UBR2: variants seen among roughly 807,000 people sequenced by gnomAD.
UBR2 encodes ubiquitin protein ligase E3 component n-recognin 2.
Under a neutral mutation model 247.9 loss-of-function variants are expected in UBR2, and 92 were observed. The observed-to-expected ratio is 0.37, with a 90% confidence interval of 0.31 to 0.44. UBR2 has a LOEUF of 0.44. Among genes scored for constraint, UBR2 ranks in the 20% least tolerant of loss-of-function variants. The probability of loss-of-function intolerance (pLI) is 1.00; values close to 1 mark genes in which losing one functional copy is unlikely to be tolerated. For missense variants in UBR2, 1,613 were observed against 2,112.6 expected, an observed-to-expected ratio of 0.76 and a Z score of 4.64; for synonymous variants, 672 against 693.5, an observed-to-expected ratio of 0.97 and a Z score of 0.49.
chr6:42,691,203 G>T lies in UBR2; in HGVS notation c.*30G>T, dbSNP rs530815159. The T allele has an allele frequency of 1.2e-4, 186 of 1,605,638 alleles. 1 individual carries two copies. In the South Asian group the frequency reaches 1.9e-3, roughly 17 times the overall value. On this transcript the variant is annotated 3_prime_UTR_variant, in exon 47 of 47. Transcript: ENST00000372901. The stretch of plus-strand genomic sequence containing the variant: ...TGCACCACCAAAAAACACAAACTTG[G>T]ATTTTTTTAACCCAGTTGGCTTTTT...
At chr6:42,579,149 GGCATAAACATTT>G (rs1220118779) in intron 2 of UBR2, among the ~76,000 whole-genome samples, 2 of 152,158 alleles carry the variant, frequency 1.3e-5, no homozygotes, top group East Asian at 3.8e-4. Flanking sequence ...GTACAAGCAT[GGCATAAACATTT>G]GCTCAGCTTC....
chr6:42,588,071 C>T (rs181133423), intron 2 of UBR2, among the ~76,000 whole-genome samples: 16 of 152,292 alleles, frequency 1.1e-4, no homozygotes, highest in African/African-American at 3.6e-4. Context: ...AGGCTAAGAG[C>T]TCAGTTTCAC....
chr6:42,632,980 T>G, intron 13 of UBR2, 76 bp downstream of exon 13: 1 of 1,021,196 alleles, frequency 9.8e-7, no homozygotes, highest in Non-Finnish European at 1.3e-6. Flanking sequence ...TTTTTTAATT[T>G]TTCTTTTTCT....
rs1217674904 is a variant in UBR2 at position 42,650,397 on chromosome 6, A to C, written c.2565+11A>C. ...GCAGAACAGTCCAAGGTAATTGGGA[A>C]AATTAAAAATGTAGCAGGGAAGGAT... On this transcript the variant is annotated intron_variant, in intron 23 of 46. Coordinates refer to ENST00000372901, the MANE Select transcript of UBR2 (RefSeq NM_001363705.2). 60 of 1,599,290 alleles carry C rather than the reference A, an allele frequency of 3.8e-5. No homozygotes were observed. Among genetic ancestry groups the C allele is most frequent in the Non-Finnish European group, 5.1e-5 (60 of 1,169,274 alleles).
Position 42,673,911 on chromosome 6 carries a change from ATGT to A in UBR2, c.4183+28_4183+30del, listed in dbSNP as rs754575487. The A allele has an allele frequency of 7.6e-6, 12 of 1,574,320 alleles. 1 individual carries two copies. The highest frequency in any genetic ancestry group is 7.1e-5 in the Admixed American group (4 of 56,394). On this transcript the variant is annotated intron_variant, in intron 37 of 46. Coordinates refer to ENST00000372901, the MANE Select transcript of UBR2 (RefSeq NM_001363705.2). ...ATGTGAGTATTAATACATTTATAAC[ATGT>A]TGTAATTTTTCATCCTCTGAAATTT...
At chr6:42,678,783 T>A in intron 41 of UBR2, 114 bp downstream of exon 41, 1 of 1,141,786 alleles carries the variant, frequency 8.8e-7, no homozygotes, top group Non-Finnish European at 1.2e-6. Context: ...AATAGCTTAT[T>A]GACTATGGTG....
chr6:42,594,247 A>G lies in UBR2; in HGVS notation c.474A>G (p.Lys158=), dbSNP rs749181891. 1.2e-6 allele frequency: 2 copies of G among 1,613,480 alleles called. No individual in the cohort carries two copies. The highest frequency in any genetic ancestry group is 1.3e-5 in the African/African-American group (1 of 75,028). ...ACTGTGGTGATACTGAAGCCTGGAA[A>G]GAGGGTCCTTACTGTCAAAAACATG... ...FCDCGDTEAW[K]EGPYCQKHEL... is the part of the protein sequence containing the mutation. Residue 158 remains lysine (K), a synonymous_variant, in exon 4 of 47, where the codon AAA becomes AAG. Coordinates refer to ENST00000372901, the MANE Select transcript of UBR2 (RefSeq NM_001363705.2).
At chr6:42,647,399 G>A (rs1462107592) in intron 21 of UBR2, among the ~76,000 whole-genome samples, 8 of 130,578 alleles carry the variant, frequency 6.1e-5, no homozygotes, top group Admixed American at 5.4e-4. Flanking sequence ...GGCCAACACA[G>A]TTAAACCCCA....
At chr6:42,585,933 A>G (rs1792227373) in intron 2 of UBR2, among the ~76,000 whole-genome samples, 1 of 152,014 alleles carries the variant, frequency 6.6e-6, no homozygotes, top group Admixed American at 6.6e-5. Context: ...TTATGGTCTT[A>G]TATTTTTTGA....
chr6:42,575,100 T>C lies in UBR2; in HGVS notation c.338+1107T>C, dbSNP rs747403424. On this transcript the variant is annotated intron_variant, in intron 2 of 46. Transcript: ENST00000372901. ...AATATGTTACATATACTGAGCTAAA[T>C]TTTCTTTTCTGTATTTAACCATAGC... Among the ~76,000 whole-genome samples, 41 of 152,208 alleles carry C rather than the reference T, an allele frequency of 2.7e-4. 1 individual carries two copies. The highest frequency in any genetic ancestry group is 1.4e-3 in the Admixed American group (22 of 15,288).
chr6:42,656,714 C>T (rs930471783), intron 26 of UBR2, among the ~76,000 whole-genome samples: 3 of 152,164 alleles, frequency 2.0e-5, no homozygotes, highest in Non-Finnish European at 4.4e-5. Context: ...GCTGCTAGAT[C>T]TCTAGTTTTC....
chr6:42,655,390 A>G (rs554256460), intron 25 of UBR2, among the ~76,000 whole-genome samples: 24 of 151,826 alleles, frequency 1.6e-4, no homozygotes, highest in Admixed American at 1.5e-3. Flanking sequence ...AGGCAGGAGA[A>G]TCACTTGAAC....
intron 4 of UBR2, among the ~76,000 whole-genome samples, chr6:42,597,745 C>T (rs924458742): frequency 8.6e-5 from 13 of 151,650 alleles, no homozygotes; most frequent in Non-Finnish European, 1.6e-4. Context: ...GGAGAAACCC[C>T]GTCTCTACTA....
chr6:42,659,942 A>T lies in UBR2; in HGVS notation c.3442+87A>T. 7.7e-7 allele frequency: 1 copy of T among 1,303,416 alleles called. No individual in the cohort carries two copies. The highest frequency in any genetic ancestry group is 1.5e-5 in the African/African-American group (1 of 67,874). The allele number at this position is 1,303,416 out of a possible 1,614,324, so 80.7% of individuals were successfully genotyped here. On this transcript the variant is annotated intron_variant, in intron 30 of 46. Coordinates refer to ENST00000372901, the MANE Select transcript of UBR2 (RefSeq NM_001363705.2). The surrounding 1 kb of genome is among the most constrained non-coding windows in gnomAD (Gnocchi z 4.3). ...TGATACGTTGAGATTTTTTAAACCT[A>T]AAAATAACTCCATGGACTTGGATGG...
intron 11 of UBR2, among the ~76,000 whole-genome samples, chr6:42,632,102 GCACA>G (rs1313632279): frequency 4.4e-5 from 6 of 137,420 alleles, no homozygotes; most frequent in South Asian, 4.7e-4. Flanking sequence ...GTACACACAT[GCACA>G]CACACACAAA....
At chr6:42,608,261 G>A (rs758302440) in intron 7 of UBR2, among the ~76,000 whole-genome samples, 3 of 152,134 alleles carry the variant, frequency 2.0e-5, no homozygotes, top group Non-Finnish European at 4.4e-5. Context: ...CCCACCAGCA[G>A]TATATAAGAG....
intron 1 of UBR2, among the ~76,000 whole-genome samples, chr6:42,572,496 G>A (rs946931868): frequency 1.5e-4 from 22 of 144,722 alleles, no homozygotes; most frequent in Middle Eastern, 3.7e-3. Flanking sequence ...ACTGGAATTA[G>A]GTAGTAATCC....
chr6:42,678,297 C>G (rs938818204), intron 40 of UBR2, among the ~76,000 whole-genome samples: 2 of 152,260 alleles, frequency 1.3e-5, no homozygotes, highest in African/African-American at 4.8e-5. Context: ...GATTGTGCCA[C>G]TGCACTCCAG....
chr6:42,689,520 G>A lies in UBR2; in HGVS notation c.5025-49G>A. Reference sequence around the variant, plus strand: ...ATTCTATTTGGAACTGAATACAAATGTTGGTTACTAATGTGTAAATGTGTA... The same window carrying A: ...ATTCTATTTGGAACTGAATACAAATATTGGTTACTAATGTGTAAATGTGTA... On this transcript the variant is annotated intron_variant, in intron 45 of 46. Transcript: ENST00000372901. This position sits in a 1 kb window ranked among gnomAD's most constrained non-coding sequence, Gnocchi z 4.0. 6.6e-7 allele frequency: 1 copy of A among 1,512,332 alleles called. No homozygotes were observed. The highest frequency in any genetic ancestry group is 1.4e-5 in the African/African-American group (1 of 72,886). The allele number at this position is 1,512,332 out of a possible 1,614,324, so 93.7% of individuals were successfully genotyped here.
Sources: allele counts gnomAD v4.1 joint callset (sites outside exome capture counted in the v4.1 genomes callset), GRCh38; gene constraint gnomAD v4.1.1; non-coding constraint Gnocchi (gnomAD v3.1); transcripts MANE v1.5; gene names NCBI Gene and HGNC (gene_info 2026-07-23, HGNC 2026-07-21).